The following ITGB6 variants were observed in gnomAD, a reference collection of about 807,000 sequenced individuals.
The protein encoded by ITGB6 is integrin beta-6.
Under a neutral mutation model 84.5 loss-of-function variants are expected in ITGB6, and 80 were observed. That is an observed-to-expected ratio of 0.95 (90% CI 0.79 to 1.14). The LOEUF is 1.14. ITGB6 is among the 50% of genes most tolerant of loss of function. ITGB6 has a pLI of 0.00. For synonymous variants in ITGB6, 383 were observed against 354.9 expected (o/e 1.08, Z -0.89); for missense variants, 1,006 against 968.0 (o/e 1.04, Z -0.52).
At chr2:160,151,652 C>G (rs1234049456) in intron 7 of ITGB6, among the ~76,000 whole-genome samples, 1 of 152,012 alleles carries the variant, frequency 6.6e-6, no homozygotes, top group East Asian at 1.9e-4. Context: ...GTCGATGAAT[C>G]TAGGAGCTGG....
chr2:160,152,487 T>C (rs1007190733), intron 7 of ITGB6, among the ~76,000 whole-genome samples: 3 of 152,142 alleles, frequency 2.0e-5, no homozygotes, highest in South Asian at 2.1e-4. Context: ...CCACAGCCAA[T>C]ATCATACTGA....
chr2:160,120,705 C>T (rs191190288), intron 12 of ITGB6, among the ~76,000 whole-genome samples: 2 of 59,766 alleles, frequency 3.3e-5, no homozygotes, highest in Admixed American at 2.2e-4. Context: ...ATGTGGCACA[C>T]ATACACCATG....
intron 4 of ITGB6, among the ~76,000 whole-genome samples, chr2:160,187,053 C>CAT (rs1469392786): frequency 6.6e-6 from 1 of 152,004 alleles, no homozygotes; most frequent in Non-Finnish European, 1.5e-5. Flanking sequence ...AACCATGGCA[C>CAT]ATATATACCT....
chr2:160,168,023 A>G (rs1028354138), intron 7 of ITGB6, among the ~76,000 whole-genome samples: 10 of 152,180 alleles, frequency 6.6e-5, no homozygotes, highest in African/African-American at 2.4e-4. Flanking sequence ...ACTTAAAACC[A>G]CTGGAAACAA....
In ITGB6 at chr2:160,184,112, C is replaced by T. The variant is rs192703077; in HGVS notation, c.594-9973G>A. ...AACAAATTCCAAAGCTAGCAGGGGACAAGAAATAACTAAGATTAGAGCAGA... is the reference window on the plus strand; with the variant it reads ...AACAAATTCCAAAGCTAGCAGGGGATAAGAAATAACTAAGATTAGAGCAGA... On this transcript the variant is annotated intron_variant, in intron 4 of 14. Coordinates refer to ENST00000283249, the MANE Select transcript of ITGB6 (RefSeq NM_000888.5). Among the ~76,000 whole-genome samples the T allele has an allele frequency of 5.2e-3, 790 of 152,034 alleles. 3 individuals are homozygous for T. Among genetic ancestry groups the T allele is most frequent in the Non-Finnish European group, 7.9e-3 (540 of 67,974 alleles).
chr2:160,115,699 C>T (rs551713278), intron 12 of ITGB6, among the ~76,000 whole-genome samples: 21 of 152,130 alleles, frequency 1.4e-4, no homozygotes, highest in South Asian at 1.0e-3. Flanking sequence ...AGGCTCCAGA[C>T]GATCAAACTA....
intron 12 of ITGB6, 66 bp downstream of exon 12, chr2:160,123,725 G>A: frequency 3.3e-6 from 4 of 1,200,038 alleles, no homozygotes; most frequent in South Asian, 2.5e-5. Flanking sequence ...GATTCACAGA[G>A]GGTCAAGAAC....
At chr2:160,179,973 C>T (rs559258205) in intron 4 of ITGB6, among the ~76,000 whole-genome samples, 1 of 148,046 alleles carries the variant, frequency 6.8e-6, no homozygotes, top group African/African-American at 2.5e-5. Context: ...ATCATCTGGG[C>T]ATGGTGGCAC....
At chr2:160,167,053 T>C (rs2105860416) in intron 7 of ITGB6, among the ~76,000 whole-genome samples, 1 of 152,366 alleles carries the variant, frequency 6.6e-6, no homozygotes, top group East Asian at 1.9e-4. Context: ...GGCAAATAAT[T>C]TTCCTTCTGG....
intron 8 of ITGB6, among the ~76,000 whole-genome samples, chr2:160,139,494 G>T (rs1024851043): frequency 1.3e-5 from 2 of 152,036 alleles, no homozygotes; most frequent in African/African-American, 2.4e-5. Flanking sequence ...GAAATAATAA[G>T]ATTAAAATAG....
intron 7 of ITGB6, among the ~76,000 whole-genome samples, chr2:160,153,261 C>A (rs1007182582): frequency 6.6e-6 from 1 of 152,146 alleles, no homozygotes; most frequent in East Asian, 1.9e-4. Flanking sequence ...TGGAACTGAA[C>A]AGAGGCCTCA....
intron 14 of ITGB6, among the ~76,000 whole-genome samples, chr2:160,104,663 A>C (rs1374548818): frequency 6.6e-6 from 1 of 152,220 alleles, no homozygotes; most frequent in Non-Finnish European, 1.5e-5. Flanking sequence ...GTACAAAATC[A>C]ATTCATGACT....
chr2:160,119,574 C>T (rs1682938172), intron 12 of ITGB6, among the ~76,000 whole-genome samples: 1 of 151,886 alleles, frequency 6.6e-6, no homozygotes, highest in African/African-American at 2.4e-5. Context: ...TAGAAGAAAA[C>T]CTAGGCAATA....
intron 7 of ITGB6, among the ~76,000 whole-genome samples, chr2:160,162,757 T>C (rs375479413): frequency 6.6e-6 from 1 of 152,148 alleles, no homozygotes; most frequent in South Asian, 2.1e-4. Flanking sequence ...TAGCTGGGAT[T>C]ACAGGTGCAT....
At chr2:160,186,085 CA>C (rs1406503676) in intron 4 of ITGB6, among the ~76,000 whole-genome samples, 1 of 151,962 alleles carries the variant, frequency 6.6e-6, no homozygotes, top group Non-Finnish European at 1.5e-5. Flanking sequence ...ATTAAAACAC[CA>C]AAAGCCATGG....
At chr2:160,120,244 A>G (rs893495630) in intron 12 of ITGB6, among the ~76,000 whole-genome samples, 1 of 151,434 alleles carries the variant, frequency 6.6e-6, no homozygotes, top group African/African-American at 2.4e-5. Flanking sequence ...ACTATTTACA[A>G]TAGCAAAGAC....
chr2:160,188,508 A>G (rs1685996512), intron 4 of ITGB6, among the ~76,000 whole-genome samples: 2 of 152,086 alleles, frequency 1.3e-5, no homozygotes, highest in African/African-American at 4.8e-5. Context: ...TCTCCCCCTA[A>G]TCACACCCTG....
intron 5 of ITGB6, among the ~76,000 whole-genome samples, chr2:160,173,566 T>C (rs760407296): frequency 6.6e-6 from 1 of 152,246 alleles, no homozygotes; most frequent in African/African-American, 2.4e-5. Flanking sequence ...AAGCTTATTG[T>C]TGGTTCAAAA....
At chr2:160,186,059 G>A (rs1685883534) in intron 4 of ITGB6, among the ~76,000 whole-genome samples, 1 of 152,052 alleles carries the variant, frequency 6.6e-6, no homozygotes, top group African/African-American at 2.4e-5. Flanking sequence ...ACATAGGCAT[G>A]GGCAAAGACT....
Sources: gnomAD v4.1 joint callset for allele counts (sites outside exome capture counted in the v4.1 genomes callset) on GRCh38, gnomAD v4.1.1 for gene constraint, MANE v1.5 for transcripts, NCBI Gene and HGNC (gene_info 2026-07-23, HGNC 2026-07-21) for gene names.